Variants in R3HDM1 observed in about 807,000 individuals in gnomAD.
The protein encoded by R3HDM1 is R3H domain containing 1, also known as R3H domain-containing protein 1.
Under a neutral mutation model 141.1 loss-of-function variants are expected in R3HDM1, and 46 were observed. That is an observed-to-expected ratio of 0.33 (90% CI 0.26 to 0.42). The LOEUF (loss-of-function observed/expected upper bound fraction) is 0.42. R3HDM1 is among the 10% of genes least tolerant of loss of function. The pLI, the probability that R3HDM1 is intolerant of heterozygous loss-of-function variation, is 1.00. For synonymous variants in R3HDM1, 435 were observed against 472.9 expected (o/e 0.92, Z 1.04); for missense variants, 1,184 against 1,368.3 (o/e 0.87, Z 2.12).
At chr2:135,613,408 C>T (rs1448775133) in intron 3 of R3HDM1, among the ~76,000 whole-genome samples, 3 of 152,064 alleles carry the variant, frequency 2.0e-5, no homozygotes, top group Non-Finnish European at 4.4e-5. Flanking sequence ...TGACTTGCCC[C>T]CGTGCTCCCA....
intron 21 of R3HDM1, among the ~76,000 whole-genome samples, chr2:135,701,223 CAAAA>C (rs748354211): frequency 4.9e-5 from 4 of 82,428 alleles, no homozygotes; most frequent in African/African-American, 1.6e-4. Context: ...TCATCTCTAC[CAAAA>C]AAAAAAAAAA....
intron 21 of R3HDM1, among the ~76,000 whole-genome samples, chr2:135,697,237 G>A (rs1283687347): frequency 1.3e-5 from 2 of 152,182 alleles, no homozygotes; most frequent in Non-Finnish European, 2.9e-5. Flanking sequence ...TGATGTGGAA[G>A]ATTTGTACTC....
At position 135,622,679 on chromosome 2, in the gene R3HDM1, A is replaced by G. The variant is rs746888734; in HGVS notation, c.444A>G (p.Ser148=). 2 of 1,602,842 alleles carry G rather than the reference A, an allele frequency of 1.2e-6. No homozygotes were observed. The highest frequency in any genetic ancestry group is 3.4e-5 in the Admixed American group (2 of 58,848). ...ATTCCAGTCAAGAATACACTGATTC[A>G]ACTGGCATAGATCTACATGAATTTT... ...SRDSSQEYTD[S]TGIDLHEFLV... Residue 148 remains serine, a synonymous_variant, in exon 7 of 27, where the codon TCA becomes TCG. Transcript: ENST00000683871.
chr2:135,683,016 A>T (rs909064374), intron 21 of R3HDM1, among the ~76,000 whole-genome samples: 8 of 152,064 alleles, frequency 5.3e-5, no homozygotes, highest in Non-Finnish European at 1.0e-4. Flanking sequence ...AAATAAAAAA[A>T]GTCTTTGGAA....
At chr2:135,638,451 G>T (rs1452583112) in intron 11 of R3HDM1, among the ~76,000 whole-genome samples, 167 bp from the exon 12 acceptor site, 1 of 151,976 alleles carries the variant, frequency 6.6e-6, no homozygotes. Flanking sequence ...GTAAGCATAG[G>T]ATCTCCAAAC....
chr2:135,571,320 A>C, intron 1 of R3HDM1, among the ~76,000 whole-genome samples: 1 of 150,956 alleles, frequency 6.6e-6, no homozygotes, highest in East Asian at 1.9e-4. Context: ...ATTTTTTTTT[A>C]ATTATTCATT....
intron 1 of R3HDM1, among the ~76,000 whole-genome samples, chr2:135,544,759 G>A (rs1474671298): frequency 6.6e-6 from 1 of 152,154 alleles, no homozygotes; most frequent in Non-Finnish European, 1.5e-5. Flanking sequence ...CCAGGAGCTT[G>A]AGACCAGCTT....
At chr2:135,534,048 G>A (rs1055071717) in intron 1 of R3HDM1, 10 of 983,592 alleles carry the variant, frequency 1.0e-5, no homozygotes, top group Non-Finnish European at 1.1e-5. Context: ...TGTTACTGAA[G>A]AGTACCATGG....
At chr2:135,711,661 T>TGA (rs1309974967) in intron 23 of R3HDM1, among the ~76,000 whole-genome samples, 2 of 55,520 alleles carry the variant, frequency 3.6e-5, no homozygotes, top group African/African-American at 1.3e-4. Context: ...CCCAACTCTT[T>TGA]GAAAAAAAAA....
intron 7 of R3HDM1, among the ~76,000 whole-genome samples, chr2:135,629,172 C>T (rs1446547405): frequency 6.6e-6 from 1 of 151,818 alleles, no homozygotes; most frequent in Admixed American, 6.6e-5. Context: ...CAAAAATTTG[C>T]CGGGTGTGGT....
At chr2:135,708,635 T>C (rs958710141) in intron 21 of R3HDM1, among the ~76,000 whole-genome samples, 1 of 152,170 alleles carries the variant, frequency 6.6e-6, no homozygotes, top group Non-Finnish European at 1.5e-5. Context: ...AGAGATAATG[T>C]TATGACAAAC....
intron 5 of R3HDM1, chr2:135,620,740 G>A: frequency 1.2e-6 from 1 of 834,718 alleles, no homozygotes; most frequent in East Asian, 1.2e-4. Context: ...AGAGCTACAT[G>A]ATTTTTGCCT....
At chr2:135,678,737 A>G (rs966159049) in intron 20 of R3HDM1, among the ~76,000 whole-genome samples, 2 of 146,252 alleles carry the variant, frequency 1.4e-5, no homozygotes, top group African/African-American at 5.0e-5. Context: ...ATCAGTGGTT[A>G]TAGTGGTTAT....
intron 1 of R3HDM1, among the ~76,000 whole-genome samples, chr2:135,545,763 T>C (rs931248589): frequency 5.9e-5 from 9 of 152,228 alleles, no homozygotes; most frequent in Admixed American, 2.6e-4. Context: ...GGGACACTTG[T>C]GACGTCTAAA....
intron 26 of R3HDM1, 61 bp downstream of exon 26, chr2:135,722,614 C>G: frequency 6.8e-7 from 1 of 1,473,244 alleles, no homozygotes; most frequent in African/African-American, 1.4e-5. Context: ...TAAAAATACA[C>G]CACAGCACAG....
chr2:135,534,649 C>T (rs1188620186), intron 1 of R3HDM1, among the ~76,000 whole-genome samples: 4 of 152,156 alleles, frequency 2.6e-5, no homozygotes, highest in Non-Finnish European at 5.9e-5. Flanking sequence ...TGCAAAATAA[C>T]GAGGTGAGGT....
intron 18 of R3HDM1, among the ~76,000 whole-genome samples, chr2:135,659,077 G>GTGTA (rs1184834023): frequency 1.3e-5 from 2 of 151,558 alleles, no homozygotes; most frequent in Non-Finnish European, 2.9e-5. Context: ...GTGTGTGTGT[G>GTGTA]TGTGTGTGTG....
At chr2:135,550,292 T>C in intron 1 of R3HDM1, 3 of 926,472 alleles carry the variant, frequency 3.2e-6, no homozygotes, top group Non-Finnish European at 3.9e-6. Context: ...TTGTGATATA[T>C]GGAAATTTCT....
chr2:135,616,955 T>C (rs2061075683), intron 5 of R3HDM1, among the ~76,000 whole-genome samples, 198 bp downstream of exon 5: 1 of 152,214 alleles, frequency 6.6e-6, no homozygotes, highest in South Asian at 2.1e-4. Context: ...TTATTACTCT[T>C]CTGGAAGAAC....
Sources: allele counts gnomAD v4.1 joint callset (sites outside exome capture counted in the v4.1 genomes callset), GRCh38; gene constraint gnomAD v4.1.1; transcripts MANE v1.5; gene names NCBI Gene and HGNC (gene_info 2026-07-23, HGNC 2026-07-21).